The following PCDHGA1 variants were observed in gnomAD, a reference collection of about 807,000 sequenced individuals.
The protein encoded by PCDHGA1 is protocadherin gamma-A1.
In PCDHGA1, 32 loss-of-function variants were observed where a neutral mutation model predicts 58.0. The observed-to-expected ratio is 0.55, with a 90% confidence interval of 0.42 to 0.74. PCDHGA1 has a LOEUF of 0.74. PCDHGA1 is among the 30% of genes least tolerant of loss of function. The pLI is 0.00. For missense variants in PCDHGA1, 1,205 were observed against 1,182.3 expected (o/e 1.02, Z -0.28); for synonymous variants, 498 against 501.1 (o/e 0.99, Z 0.08).
At chr5:141,504,269 A>T (rs7715517) in intron 2 of PCDHGA1, among the ~76,000 whole-genome samples, 3,100 of 152,246 alleles carry the variant, frequency 0.02, 113 homozygotes, top group African/African-American at 0.07. Context: ...GTATTTTTTT[A>T]AATTATGAAT....
At chr5:141,399,183 T>A (rs777520935) in intron 1 of PCDHGA1, 4 of 1,613,764 alleles carry the variant, frequency 2.5e-6, no homozygotes, top group Non-Finnish European at 3.4e-6. Context: ...TTGAAATGAT[T>A]CTGGAAAACG....
At position 141,485,443 on chromosome 5, in the gene PCDHGA1, C is replaced by A. The variant is rs2099613637; in HGVS notation, c.2422-9364C>A. 5 of 1,614,054 alleles carry A rather than the reference C, an allele frequency of 3.1e-6. No individual in the cohort carries two copies. The East Asian group carries it at 6.7e-5, about 22-fold the overall frequency. ...GAGCCCTGCTCATCAAGAACCCAAT[C>A]GACCGAGAGGCACTGTGTGGGCTCA... On this transcript the variant is annotated intron_variant, in intron 1 of 3. Coordinates refer to ENST00000517417, the MANE Select transcript of PCDHGA1 (RefSeq NM_018912.3). This position sits in a 1 kb window ranked among gnomAD's most constrained non-coding sequence, Gnocchi z 5.7.
chr5:141,415,461 T>G, intron 1 of PCDHGA1: 1 of 1,614,180 alleles, frequency 6.2e-7, no homozygotes, highest in African/African-American at 1.3e-5. Flanking sequence ...ACGAGGTCTC[T>G]CTCACCGCGG....
At chr5:141,505,296 G>A (rs1174492966) in intron 2 of PCDHGA1, 97 bp from the exon 3 acceptor site, 1 of 1,584,850 alleles carries the variant, frequency 6.3e-7, no homozygotes, top group Non-Finnish European at 8.6e-7. Context: ...ATGGGGTAGG[G>A]TTAGGGTACT....
chr5:141,372,334 G>C (rs757971401), intron 1 of PCDHGA1: 1 of 1,613,648 alleles, frequency 6.2e-7, no homozygotes, highest in African/African-American at 1.3e-5. Context: ...GTCACTGTGC[G>C]TGATGGAGGA....
chr5:141,403,611 C>T lies in PCDHGA1; in HGVS notation c.2421+70506C>T. ...CTCACGGCCTCGGATGGCGGCGAGCCGCGTCGCTCCAGCACAGTGCGCATC... is the reference window on the plus strand; with the variant it reads ...CTCACGGCCTCGGATGGCGGCGAGCTGCGTCGCTCCAGCACAGTGCGCATC... On this transcript the variant is annotated intron_variant, in intron 1 of 3. Transcript: ENST00000517417. 6.2e-7 allele frequency: 1 copy of T among 1,613,860 alleles called. No homozygotes were observed.
chr5:141,361,602 C>T, intron 1 of PCDHGA1: 1 of 1,614,054 alleles, frequency 6.2e-7, no homozygotes. Context: ...AAGTTTCCTA[C>T]TCCATCGTAG....
intron 1 of PCDHGA1, chr5:141,351,810 A>C: frequency 6.2e-7 from 1 of 1,613,260 alleles, no homozygotes; most frequent in Non-Finnish European, 8.5e-7. Flanking sequence ...CGCGCCTTCG[A>C]CCACGAGCAG....
intron 2 of PCDHGA1, among the ~76,000 whole-genome samples, chr5:141,498,795 T>C (rs2099785702): frequency 6.6e-6 from 1 of 152,032 alleles, no homozygotes; most frequent in Admixed American, 6.6e-5. Context: ...TAGCCAGGTG[T>C]GGTGGTGCAC....
At chr5:141,447,232 C>T (rs988057696) in intron 1 of PCDHGA1, among the ~76,000 whole-genome samples, 3 of 152,062 alleles carry the variant, frequency 2.0e-5, no homozygotes, top group East Asian at 1.9e-4. Flanking sequence ...CTCCGCCTCC[C>T]GGGTTCAAGT....
chr5:141,356,039 CT>C (rs1352227097), intron 1 of PCDHGA1: 1 of 1,613,832 alleles, frequency 6.2e-7, no homozygotes, highest in Non-Finnish European at 8.5e-7. Context: ...GTGACGTATT[CT>C]TTCCGGAAAG....
chr5:141,384,018 C>G, intron 1 of PCDHGA1: 1 of 1,613,740 alleles, frequency 6.2e-7, no homozygotes, highest in Non-Finnish European at 8.5e-7. Context: ...ACCTACAAGA[C>G]AGAGATTCTG....
In PCDHGA1 at chr5:141,456,878, G is replaced by T. The variant is rs71583646; in HGVS notation, c.2422-37929G>T. On this transcript the variant is annotated intron_variant, in intron 1 of 3. Coordinates refer to ENST00000517417, the MANE Select transcript of PCDHGA1 (RefSeq NM_018912.3). ...ATTGGGAGGCTGAGGCAGGAGAATCGCTTGAACCCGGGAGGCAGAGGTTGC... is the reference window on the plus strand; with the variant it reads ...ATTGGGAGGCTGAGGCAGGAGAATCTCTTGAACCCGGGAGGCAGAGGTTGC... Among the ~76,000 whole-genome samples, 307 of 152,160 alleles carry T rather than the reference G, an allele frequency of 2.0e-3. 1 individual carries two copies. The highest frequency in any genetic ancestry group is 0.01 in the Middle Eastern group (3 of 294).
intron 1 of PCDHGA1, among the ~76,000 whole-genome samples, chr5:141,463,314 A>G (rs1357327211): frequency 2.0e-5 from 3 of 151,098 alleles, no homozygotes; most frequent in Non-Finnish European, 2.9e-5. Context: ...TCTAATATCT[A>G]TTCCTCAACT....
chr5:141,362,200 C>T, intron 1 of PCDHGA1: 1 of 1,614,066 alleles, frequency 6.2e-7, no homozygotes, highest in Non-Finnish European at 8.5e-7. Flanking sequence ...GGCAAAACTG[C>T]AGTTTTACCT....
chr5:141,365,422 T>C (rs537066811), intron 1 of PCDHGA1: 4 of 1,614,032 alleles, frequency 2.5e-6, no homozygotes, highest in East Asian at 2.2e-5. Flanking sequence ...TTCCCGGAAC[T>C]GTAATCGCGC....
intron 1 of PCDHGA1, among the ~76,000 whole-genome samples, chr5:141,445,961 G>C (rs944876169): frequency 6.6e-6 from 1 of 152,158 alleles, no homozygotes; most frequent in Non-Finnish European, 1.5e-5. Flanking sequence ...GCTATATGGA[G>C]AATTGATTTA....
chr5:141,420,364 A>G (rs942479456), intron 1 of PCDHGA1: 8 of 1,368,440 alleles, frequency 5.8e-6, no homozygotes, highest in African/African-American at 3.0e-5. Flanking sequence ...ATTCTAGATA[A>G]CTTCTTCATA....
chr5:141,428,304 G>C, intron 1 of PCDHGA1: 1 of 695,706 alleles, frequency 1.4e-6, no homozygotes, highest in South Asian at 1.6e-5. Flanking sequence ...AGATTTACCT[G>C]GTCGTGGCCT....
Sources: gnomAD v4.1 joint callset for allele counts (sites outside exome capture counted in the v4.1 genomes callset) on GRCh38, gnomAD v4.1.1 for gene constraint, Gnocchi (gnomAD v3.1) non-coding constraint, MANE v1.5 for transcripts, NCBI Gene and HGNC (gene_info 2026-07-23, HGNC 2026-07-21) for gene names.